The following UCHL1 variants were observed in gnomAD, a reference collection of about 807,000 sequenced individuals.
UCHL1 encodes ubiquitin carboxyl-terminal hydrolase isozyme L1.
Under a neutral mutation model 33.3 loss-of-function variants are expected in UCHL1, and 5 were observed. The observed-to-expected ratio is 0.15, with a 90% confidence interval of 0.08 to 0.32. UCHL1 has a LOEUF of 0.32. Ranked by LOEUF, UCHL1 falls within the 10% of genes least tolerant of loss-of-function variation. The probability of loss-of-function intolerance (pLI) is 1.00; values close to 1 mark genes in which losing one functional copy is unlikely to be tolerated. For missense variants in UCHL1, 236 were observed against 280.0 expected (o/e 0.84, Z 1.12); for synonymous variants, 132 against 108.8 (o/e 1.21, Z -1.33).
At chr4:41,266,748 T>C (rs1311551903) in intron 8 of UCHL1, among the ~76,000 whole-genome samples, 1 of 152,106 alleles carries the variant, frequency 6.6e-6, no homozygotes, top group East Asian at 1.9e-4. Flanking sequence ...GTCTTCTGAG[T>C]AGCCAGGACT....
chr4:41,265,635 A>G (rs969021367), intron 8 of UCHL1, among the ~76,000 whole-genome samples: 1 of 152,190 alleles, frequency 6.6e-6, no homozygotes, highest in Admixed American at 6.5e-5. Flanking sequence ...TAGCCATTGT[A>G]CAATACCAAT....
intron 2 of UCHL1, 50 bp from the exon 3 acceptor site, chr4:41,257,559 C>T (rs919210760): frequency 6.9e-6 from 10 of 1,455,392 alleles, no homozygotes; most frequent in Admixed American, 2.6e-5. Flanking sequence ...GGCAGGTGCC[C>T]GCGACCCGCG....
In UCHL1 at chr4:41,263,142, TCAAG is replaced by T. The variant is rs1254456432; in HGVS notation, c.460-80_460-77del. ...TATAATTTCTAAAAATCAAGTCAGT[TCAAG>T]CACATTTCACTTGAATTGCAAGATA... On this transcript the variant is annotated intron_variant, in intron 6 of 8. Transcript: ENST00000284440. 1.2e-5 allele frequency: 13 copies of T among 1,083,384 alleles called. No homozygotes were observed. The South Asian group carries it at 1.3e-4, about 11-fold the overall frequency. The allele number at this position is 1,083,384 out of a possible 1,614,324, so 67.1% of individuals were successfully genotyped here. A position where few individuals can be genotyped will look rare whatever the true frequency, so the allele number is the denominator to read the frequency against.
At chr4:41,266,895 G>T (rs1189647758) in intron 8 of UCHL1, among the ~76,000 whole-genome samples, 1 of 152,106 alleles carries the variant, frequency 6.6e-6, no homozygotes, top group African/African-American at 2.4e-5. Flanking sequence ...CCTGAGCTGT[G>T]TCTGGCCCAA....
intron 8 of UCHL1, among the ~76,000 whole-genome samples, chr4:41,266,642 A>G (rs893596408): frequency 1.3e-5 from 2 of 151,994 alleles, no homozygotes; most frequent in East Asian, 1.9e-4. Flanking sequence ...TTTTTTTGAG[A>G]AAGGGTCTCG....
chr4:41,260,727 C>T lies in UCHL1; in HGVS notation c.255C>T (p.Thr85=), dbSNP rs1224357558. The T allele has an allele frequency of 6.2e-7, 1 of 1,614,170 alleles. No individual in the cohort carries two copies. Among genetic ancestry groups the T allele is most frequent in the Admixed American group, 1.7e-5 (1 of 60,016 alleles). ...CTAAAGTGTACTTCATGAAGCAGAC[C>T]ATTGGGAATTCCTGTGGCACAATCG... ...VSPKVYFMKQ[T]IGNSCGTIGL... is the part of the protein sequence containing the mutation. The change falls in exon 4 of 9, where the codon ACC becomes ACT. Residue 85 remains threonine (T), a synonymous_variant. Coordinates refer to ENST00000284440, the MANE Select transcript of UCHL1 (RefSeq NM_004181.5).
In UCHL1 at chr4:41,263,904, A is replaced by G. The variant is rs17528160; in HGVS notation, c.527-199A>G. The stretch of plus-strand genomic sequence containing the variant: ...GACTTGAGCTTGTGCGATCTTGTCA[A>G]TTGTAGACTAGAATTGCCTGGGATG... On this transcript the variant is annotated intron_variant, in intron 7 of 8. Transcript: ENST00000284440. 0.17 allele frequency among the ~76,000 whole-genome samples: 26,408 copies of G among 152,174 alleles called. 2,591 individuals carry two copies. Among genetic ancestry groups the G allele is most frequent in the Non-Finnish European group, 0.22 (14,873 of 67,978 alleles).
At chr4:41,264,062 A>T (rs1781115909) in intron 7 of UCHL1, 41 bp from the exon 8 acceptor site, 1 of 1,613,954 alleles carries the variant, frequency 6.2e-7, no homozygotes. Context: ...TAGCCAGAAA[A>T]CATGCAGAGA....
At chr4:41,259,765 A>G (rs2154087160) in intron 3 of UCHL1, among the ~76,000 whole-genome samples, 1 of 152,284 alleles carries the variant, frequency 6.6e-6, no homozygotes, top group Non-Finnish European at 1.5e-5. Context: ...TCTGAGCTCA[A>G]GTGATCCTCC....
chr4:41,261,718 A>G lies in UCHL1; in HGVS notation c.329A>G (p.Asp110Gly). 6.2e-7 allele frequency: 1 copy of G among 1,611,152 alleles called. No homozygotes were observed. The highest frequency in any genetic ancestry group is 8.5e-7 in the Non-Finnish European group (1 of 1,179,686). ...ANNQDKLGFEDGSVLKQFLSE... is the reference protein window; with the variant it reads ...ANNQDKLGFEGGSVLKQFLSE... ...ACACATCCATTTTTTTTTTAAGAGG[A>G]TGGATCAGTTCTGAAACAGTTTCTT... Residue 110 changes from aspartate to glycine, a missense_variant, in exon 5 of 9, where the codon GAT (aspartate) becomes GGT (glycine). Coordinates refer to ENST00000284440, the MANE Select transcript of UCHL1 (RefSeq NM_004181.5).
chr4:41,266,608 T>C (rs1441065134), intron 8 of UCHL1, among the ~76,000 whole-genome samples: 1 of 152,156 alleles, frequency 6.6e-6, no homozygotes, highest in Non-Finnish European at 1.5e-5. Flanking sequence ...AATGTTGATG[T>C]CAATCCAGAT....
Position 41,257,559 on chromosome 4 carries a change from C to A in UCHL1, c.46-50C>A, listed in dbSNP as rs919210760. 7 of 1,455,390 alleles carry A rather than the reference C, an allele frequency of 4.8e-6. No individual in the cohort carries two copies. In the African/African-American group the frequency reaches 8.9e-5, roughly 18 times the overall value. 90.2% of individuals were successfully genotyped at this position (1,455,390 alleles called of 1,614,324 possible). ...CTGGCCCCGCCCCCTGGCAGGTGCCCGCGACCCGCGTGTCCCCGTGCGCCT... is the reference window on the plus strand; with the variant it reads ...CTGGCCCCGCCCCCTGGCAGGTGCCAGCGACCCGCGTGTCCCCGTGCGCCT... On this transcript the variant is annotated intron_variant, in intron 2 of 8. Coordinates refer to ENST00000284440, the MANE Select transcript of UCHL1 (RefSeq NM_004181.5).
intron 6 of UCHL1, among the ~76,000 whole-genome samples, chr4:41,262,503 T>C (rs2154087235): frequency 6.6e-6 from 1 of 152,200 alleles, no homozygotes. Flanking sequence ...TCAAATAATC[T>C]TCACAGGCTG....
At chr4:41,262,066 G>T in intron 6 of UCHL1, 143 bp downstream of exon 6, 1 of 1,186,578 alleles carries the variant, frequency 8.4e-7, no homozygotes, top group Non-Finnish European at 1.2e-6. Context: ...CCCAAATAAT[G>T]CTTTGACTAG....
At chr4:41,257,512 G>C in intron 2 of UCHL1, 97 bp from the exon 3 acceptor site, 3 of 1,351,850 alleles carry the variant, frequency 2.2e-6, no homozygotes, top group Non-Finnish European at 2.8e-6. Flanking sequence ...GCTCGGGTGC[G>C]GGCGCGGAGG....
intron 4 of UCHL1, 51 bp downstream of exon 4, chr4:41,260,848 G>T: frequency 6.2e-7 from 1 of 1,613,178 alleles, no homozygotes; most frequent in Non-Finnish European, 8.5e-7. Context: ...TTGAAACATG[G>T]AGTTCAGAAA....
chr4:41,257,793 C>T, intron 3 of UCHL1, 56 bp downstream of exon 3: 1 of 1,528,896 alleles, frequency 6.5e-7, no homozygotes, highest in Non-Finnish European at 8.7e-7. Flanking sequence ...CGCTCCCCAG[C>T]TTGAGTCCTC....
rs3214812 is a variant in UCHL1 at position 41,261,701 on chromosome 4, A to ATT, written c.326-5_326-4dup. ...TTATTTTACCTATACTAACACATCC[A>ATT]TTTTTTTTTTAAGAGGATGGATCAG... is the stretch of plus-strand genomic sequence containing the variant. On this transcript the variant is annotated splice_polypyrimidine_tract_variant and intron_variant, in intron 4 of 8. Transcript: ENST00000284440. 4.9e-4 allele frequency: 727 copies of ATT among 1,496,384 alleles called. 1 individual carries two copies. The highest frequency in any genetic ancestry group is 9.4e-4 in the Middle Eastern group (4 of 4,266). The allele number at this position is 1,496,384 out of a possible 1,614,324, so 92.7% of individuals were successfully genotyped here.
At chr4:41,260,937 TCA>T in intron 4 of UCHL1, 140 bp downstream of exon 4, 2 of 1,247,270 alleles carry the variant, frequency 1.6e-6, no homozygotes, top group East Asian at 2.3e-5. Context: ...TTAATCTGAC[TCA>T]CAGTCCTCCT....
Sources: allele counts gnomAD v4.1 joint callset (sites outside exome capture counted in the v4.1 genomes callset), GRCh38; gene constraint gnomAD v4.1.1; transcripts MANE v1.5; gene names NCBI Gene and HGNC (gene_info 2026-07-23, HGNC 2026-07-21).